SMYD3: variants seen among roughly 807,000 people sequenced by gnomAD.
The protein encoded by SMYD3 is SET and MYND domain containing 3, also known as histone-lysine N-methyltransferase SMYD3.
A neutral mutation model predicts 57.7 loss-of-function variants in SMYD3; 36 were observed. The observed-to-expected ratio is 0.62, with a 90% CI of 0.48 to 0.82. The LOEUF (loss-of-function observed/expected upper bound fraction) is 0.82, where lower values mean the gene tolerates loss of function less well. Among genes scored for constraint, SMYD3 ranks in the 40% least tolerant of loss-of-function variants. The probability of loss-of-function intolerance (pLI) is 0.00; values close to 1 mark genes in which losing one functional copy is unlikely to be tolerated. For synonymous variants in SMYD3, 211 were observed against 195.0 expected (o/e 1.08, Z -0.68); for missense variants, 515 against 538.8 (o/e 0.96, Z 0.44).
chr1:246,219,791 A>G (rs1390545031), intron 5 of SMYD3, among the ~76,000 whole-genome samples: 5 of 152,232 alleles, frequency 3.3e-5, no homozygotes, highest in South Asian at 2.1e-4. Flanking sequence ...CCAGCAACCA[A>G]AAAACACTCA....
intron 1 of SMYD3, among the ~76,000 whole-genome samples, chr1:246,422,099 C>T (rs1344420618): frequency 6.6e-6 from 1 of 152,046 alleles, no homozygotes; most frequent in Non-Finnish European, 1.5e-5. Flanking sequence ...CATGGAATAC[C>T]GGAGACAGAA....
intron 5 of SMYD3, among the ~76,000 whole-genome samples, chr1:246,230,982 A>T (rs1379922285): frequency 6.6e-6 from 1 of 152,324 alleles, no homozygotes; most frequent in Non-Finnish European, 1.5e-5. Flanking sequence ...CCTAACTTTG[A>T]CAGAACTATT....
At position 246,217,034 on chromosome 1, in the gene SMYD3, G is replaced by A. The variant is rs186158665; in HGVS notation, c.531+110167C>T. On this transcript the variant is annotated intron_variant, in intron 5 of 11. Transcript: ENST00000490107. Reference sequence around the variant, plus strand: ...TCTATTCCACACAAGGGAGAGCAAAGAAGTTCTCAATCTAGACCCTAAATA... The same window carrying A: ...TCTATTCCACACAAGGGAGAGCAAAAAAGTTCTCAATCTAGACCCTAAATA... Among the ~76,000 whole-genome samples, 6 of 152,238 alleles carry A rather than the reference G, an allele frequency of 3.9e-5. No homozygotes were observed. The East Asian group carries it at 1.2e-3, about 29-fold the overall frequency.
chr1:246,187,959 A>C (rs891291290), intron 5 of SMYD3, among the ~76,000 whole-genome samples: 3 of 151,894 alleles, frequency 2.0e-5, no homozygotes, highest in East Asian at 3.9e-4. Flanking sequence ...ACGTGCACTG[A>C]GGGCCGTCTT....
At chr1:245,877,789 A>T (rs1227056208) in intron 8 of SMYD3, among the ~76,000 whole-genome samples, 1 of 152,200 alleles carries the variant, frequency 6.6e-6, no homozygotes, top group Admixed American at 6.5e-5. Flanking sequence ...CTAATATAAG[A>T]TGTCTGCAGA....
chr1:245,955,333 G>A (rs182712638), intron 5 of SMYD3, among the ~76,000 whole-genome samples: 119 of 152,148 alleles, frequency 7.8e-4, no homozygotes, highest in African/African-American at 2.4e-3. Flanking sequence ...CTGCCTTGGC[G>A]TCCCAGAGTG....
chr1:245,897,532 C>T (rs892930285), intron 8 of SMYD3, among the ~76,000 whole-genome samples: 1 of 152,172 alleles, frequency 6.6e-6, no homozygotes, highest in Non-Finnish European at 1.5e-5. Context: ...TGGAAAGAAA[C>T]AAACCATCAA....
intron 2 of SMYD3, 114 bp downstream of exon 2, chr1:246,354,917 A>G (rs1216428911): frequency 1.1e-6 from 1 of 906,526 alleles, no homozygotes; most frequent in Admixed American, 2.3e-5. Flanking sequence ...AATAACAAGT[A>G]AAAGTAAATT....
At chr1:245,868,700 G>A (rs891903163) in intron 8 of SMYD3, among the ~76,000 whole-genome samples, 6 of 152,170 alleles carry the variant, frequency 3.9e-5, no homozygotes, top group Non-Finnish European at 1.5e-5. Context: ...ATTGGAGCTA[G>A]ACAAAGCTAC....
chr1:246,500,050 A>C lies in SMYD3; in HGVS notation c.164+7004T>G, dbSNP rs577364671. ...GTTGCCTGATAATGCTGGATTCTGC[A>C]CTACCATCACCACAGACACTGGGCC... On this transcript the variant is annotated intron_variant, in intron 1 of 11. Transcript: ENST00000490107. 3.3e-5 allele frequency among the ~76,000 whole-genome samples: 3 copies of C among 91,544 alleles called. No individual in the cohort carries two copies. In the South Asian group the frequency reaches 9.6e-4, roughly 29 times the overall value. 60.1% of individuals were successfully genotyped at this position (91,544 alleles called of 152,430 possible). A position where few individuals can be genotyped will look rare whatever the true frequency, so the allele number is the denominator to read the frequency against.
chr1:246,369,865 C>T lies in SMYD3; in HGVS notation c.165-14771G>A, dbSNP rs545213983. ...GGATTCCTTTTTCTACATTCCATTT[C>T]ATCTTATTTCACATTTCTAACACAA... On this transcript the variant is annotated intron_variant, in intron 1 of 11. Coordinates refer to ENST00000490107, the MANE Select transcript of SMYD3 (RefSeq NM_001167740.2). Among the ~76,000 whole-genome samples, 3 of 150,980 alleles carry T rather than the reference C, an allele frequency of 2.0e-5. No individual in the cohort carries two copies. In the South Asian group the frequency reaches 6.3e-4, roughly 32 times the overall value.
At chr1:246,394,278 A>G (rs938198603) in intron 1 of SMYD3, among the ~76,000 whole-genome samples, 1 of 152,250 alleles carries the variant, frequency 6.6e-6, no homozygotes, top group Admixed American at 6.5e-5. Context: ...CATTTCCTTT[A>G]AGAATAGAAT....
chr1:246,467,154 A>G (rs1287514567), intron 1 of SMYD3, among the ~76,000 whole-genome samples: 1 of 152,200 alleles, frequency 6.6e-6, no homozygotes, highest in East Asian at 1.9e-4. Context: ...TTGGCGACAG[A>G]GTGAGACTCC....
chr1:246,120,911 A>T (rs922496195), intron 5 of SMYD3, among the ~76,000 whole-genome samples: 1 of 152,172 alleles, frequency 6.6e-6, no homozygotes, highest in African/African-American at 2.4e-5. Context: ...CCTGGCTTAC[A>T]CCACCTGCTC....
intron 10 of SMYD3, among the ~76,000 whole-genome samples, chr1:245,844,495 C>A (rs1558413126): frequency 1.3e-5 from 2 of 152,140 alleles, no homozygotes; most frequent in African/African-American, 4.8e-5. Flanking sequence ...AGCCTAATTG[C>A]TTATGCAACT....
chr1:246,046,006 A>G (rs1272232950), intron 5 of SMYD3, among the ~76,000 whole-genome samples: 3 of 152,202 alleles, frequency 2.0e-5, no homozygotes, highest in African/African-American at 7.2e-5. Flanking sequence ...GAGAAATAGG[A>G]ACACTTTTAC....
At chr1:246,316,249 T>C (rs1327884987) in intron 5 of SMYD3, among the ~76,000 whole-genome samples, 1 of 152,024 alleles carries the variant, frequency 6.6e-6, no homozygotes, top group Non-Finnish European at 1.5e-5. Context: ...ACCAAAAGCA[T>C]GATAGCACAT....
Position 246,329,794 on chromosome 1 carries a change from T to A in SMYD3, c.394+686A>T, listed in dbSNP as rs117852309. ...TTCAGATCCCACAACCTTATATAAATCTGTACTAGATCATCTTCTTGTCTC... is the reference window on the plus strand; with the variant it reads ...TTCAGATCCCACAACCTTATATAAAACTGTACTAGATCATCTTCTTGTCTC... On this transcript the variant is annotated intron_variant, in intron 4 of 11. Coordinates refer to ENST00000490107, the MANE Select transcript of SMYD3 (RefSeq NM_001167740.2). Among the ~76,000 whole-genome samples, 955 of 152,274 alleles carry A rather than the reference T, an allele frequency of 6.3e-3. 32 individuals are homozygous for A. The East Asian group carries it at 0.091, about 15-fold the overall frequency.
intron 5 of SMYD3, among the ~76,000 whole-genome samples, chr1:246,036,671 A>G (rs988291573): frequency 6.8e-6 from 1 of 148,060 alleles, no homozygotes; most frequent in Non-Finnish European, 1.5e-5. Context: ...CTCCTGCCTC[A>G]GCCTCCTGAG....
Sources: allele counts gnomAD v4.1 joint callset (sites outside exome capture counted in the v4.1 genomes callset), GRCh38; gene constraint gnomAD v4.1.1; transcripts MANE v1.5; gene names NCBI Gene and HGNC (gene_info 2026-07-23, HGNC 2026-07-21).